Variants in CLIC6 observed in about 807,000 individuals in gnomAD.
The protein encoded by CLIC6 is CLIC family member 6.
In CLIC6, 39 loss-of-function variants were observed where a neutral mutation model predicts 49.2. That is an observed-to-expected ratio of 0.79 (90% CI 0.61 to 1.04). The LOEUF (loss-of-function observed/expected upper bound fraction) is 1.04, where lower values mean the gene tolerates loss of function less well. Among genes scored for constraint, CLIC6 ranks in the 50% least tolerant of loss-of-function variants. CLIC6 has a pLI of 0.00. For synonymous variants in CLIC6, 446 were observed against 433.4 expected (o/e 1.03, Z -0.36); for missense variants, 988 against 993.1 (o/e 0.99, Z 0.07).
intron 1 of CLIC6, among the ~76,000 whole-genome samples, chr21:34,679,172 A>T (rs1989728854): frequency 6.6e-6 from 1 of 152,246 alleles, no homozygotes; most frequent in Admixed American, 6.5e-5. Flanking sequence ...ACAGTTCTGC[A>T]TGGCCTGGGA....
At chr21:34,705,672 C>T (rs188063071) in intron 1 of CLIC6, among the ~76,000 whole-genome samples, 112 of 152,208 alleles carry the variant, frequency 7.4e-4, no homozygotes, top group African/African-American at 2.6e-3. Flanking sequence ...TCTATTGGTG[C>T]CCCTTCATAT....
chr21:34,711,265 C>T (rs745814786), intron 5 of CLIC6, among the ~76,000 whole-genome samples: 2 of 152,174 alleles, frequency 1.3e-5, no homozygotes, highest in Non-Finnish European at 2.9e-5. Context: ...GGCGCAGTGG[C>T]TCATGCCTGT....
chr21:34,707,004 G>C (rs1340717478), intron 1 of CLIC6, among the ~76,000 whole-genome samples: 1 of 152,186 alleles, frequency 6.6e-6, no homozygotes, highest in Non-Finnish European at 1.5e-5. Context: ...CAGAGGCCCA[G>C]TGTGGCAGGC....
At chr21:34,703,119 G>A (rs2055991291) in intron 1 of CLIC6, among the ~76,000 whole-genome samples, 1 of 152,134 alleles carries the variant, frequency 6.6e-6, no homozygotes, top group Admixed American at 6.5e-5. Flanking sequence ...TGCAGGGACT[G>A]GCATCCTTCC....
At chr21:34,689,464 G>C (rs972897765) in intron 1 of CLIC6, among the ~76,000 whole-genome samples, 3 of 152,154 alleles carry the variant, frequency 2.0e-5, no homozygotes, top group African/African-American at 7.2e-5. Flanking sequence ...CAAACCACGT[G>C]CCTTGTATCT....
intron 1 of CLIC6, chr21:34,706,200 G>A (rs1191868435): frequency 1.1e-5 from 6 of 523,518 alleles, no homozygotes; most frequent in African/African-American, 1.9e-5. Flanking sequence ...CAGTCGTGGA[G>A]GAGGGCAAAG....
In CLIC6 at chr21:34,701,358, C is replaced by T. The variant is rs183277854; in HGVS notation, c.1375-5922C>T. 5.8e-3 allele frequency among the ~76,000 whole-genome samples: 835 copies of T among 144,622 alleles called. 11 individuals carry two copies. The highest frequency in any genetic ancestry group is 0.014 in the Middle Eastern group (4 of 280). 94.9% of individuals were successfully genotyped at this position (144,622 alleles called of 152,430 possible). ...AATCAGTGGTTCTTTAAGGACTGCACAATTTGGCATAAAAATCTCACTAAT... is the reference window on the plus strand; with the variant it reads ...AATCAGTGGTTCTTTAAGGACTGCATAATTTGGCATAAAAATCTCACTAAT... On this transcript the variant is annotated intron_variant, in intron 1 of 5. Coordinates refer to ENST00000349499, the MANE Select transcript of CLIC6 (RefSeq NM_053277.3).
chr21:34,702,084 C>A (rs1471242376), intron 1 of CLIC6, among the ~76,000 whole-genome samples: 1 of 152,170 alleles, frequency 6.6e-6, no homozygotes, highest in Non-Finnish European at 1.5e-5. Flanking sequence ...GGGGACCCGG[C>A]CCCAGGCGCA....
At chr21:34,708,201 C>T in intron 3 of CLIC6, 132 bp downstream of exon 3, 1 of 1,072,466 alleles carries the variant, frequency 9.3e-7, no homozygotes, top group Non-Finnish European at 1.4e-6. Flanking sequence ...TTAATCATAA[C>T]CCTGGTGTAA....
rs188828853 is a variant in CLIC6 at position 34,717,913 on chromosome 21, C to A, written c.*1431C>A. 1 of 152,226 alleles carries A rather than the reference C, an allele frequency of 6.6e-6. No homozygotes were observed. The highest frequency in any genetic ancestry group is 1.5e-5 in the Non-Finnish European group (1 of 68,028). The allele number at this position is 152,226 out of a possible 1,614,324, so 9.4% of individuals were successfully genotyped here. ...AAATGTCTAGCAAAAGAAACAAAGT[C>A]TTTAATAGAGTGGCCTCTTTCGCTC... is the stretch of plus-strand genomic sequence containing the variant. On this transcript the variant is annotated 3_prime_UTR_variant, in exon 6 of 6. Transcript: ENST00000349499.
intron 1 of CLIC6, among the ~76,000 whole-genome samples, chr21:34,678,275 CAAA>C (rs375990037): frequency 3.3e-5 from 4 of 122,922 alleles, no homozygotes; most frequent in Non-Finnish European, 5.2e-5. Flanking sequence ...ACTAAAAATA[CAAA>C]AAAAAAAAAA....
At chr21:34,677,202 G>A (rs1989689558) in intron 1 of CLIC6, among the ~76,000 whole-genome samples, 1 of 152,212 alleles carries the variant, frequency 6.6e-6, no homozygotes, top group South Asian at 2.1e-4. Context: ...ATGCTGCTAT[G>A]AAAATTTCCC....
intron 1 of CLIC6, among the ~76,000 whole-genome samples, chr21:34,701,892 C>G (rs1990197081): frequency 6.6e-6 from 1 of 152,032 alleles, no homozygotes; most frequent in Admixed American, 6.5e-5. Context: ...GGCGGACTTG[C>G]TGCGGGTGAC....
chr21:34,707,431 T>G, intron 2 of CLIC6, 42 bp downstream of exon 2: 1 of 780,524 alleles, frequency 1.3e-6, no homozygotes, highest in Non-Finnish European at 1.9e-6. Flanking sequence ...CTGTACCTAG[T>G]TCTCTGCACA....
intron 1 of CLIC6, 61 bp downstream of exon 1, chr21:34,670,823 T>C: frequency 1.3e-6 from 2 of 1,523,642 alleles, no homozygotes; most frequent in Non-Finnish European, 1.8e-6. Flanking sequence ...CTTGGTCATC[T>C]CAGATCCCAG....
chr21:34,690,969 T>C (rs1275053031), intron 1 of CLIC6, among the ~76,000 whole-genome samples: 1 of 151,478 alleles, frequency 6.6e-6, no homozygotes, highest in Non-Finnish European at 1.5e-5. Context: ...GAGCAGCTGA[T>C]CCCCTTTGGT....
intron 1 of CLIC6, among the ~76,000 whole-genome samples, chr21:34,694,883 G>A (rs1480325645): frequency 1.3e-5 from 2 of 152,316 alleles, no homozygotes; most frequent in South Asian, 2.1e-4. Flanking sequence ...TTCTGAAATA[G>A]GCTAAGTACT....
At chr21:34,675,274 C>A (rs1036333676) in intron 1 of CLIC6, among the ~76,000 whole-genome samples, 4 of 144,228 alleles carry the variant, frequency 2.8e-5, no homozygotes, top group Admixed American at 6.9e-5. Flanking sequence ...AAAAAAAGAG[C>A]CTTCCAAGCA....
chr21:34,670,899 G>T (rs1248645749), intron 1 of CLIC6, 137 bp downstream of exon 1: 1 of 1,025,804 alleles, frequency 9.7e-7, no homozygotes, highest in Non-Finnish European at 1.4e-6. Flanking sequence ...ATGCGCGGGC[G>T]GTAGGCGGGA....
Sources: gnomAD v4.1 joint callset for allele counts (sites outside exome capture counted in the v4.1 genomes callset) on GRCh38, gnomAD v4.1.1 for gene constraint, MANE v1.5 for transcripts, NCBI Gene and HGNC (gene_info 2026-07-23, HGNC 2026-07-21) for gene names.